The following OSBPL10 variants were observed in gnomAD, a reference collection of about 807,000 sequenced individuals.
The protein encoded by OSBPL10 is oxysterol binding protein like 10, also known as oxysterol-binding protein-related protein 10.
OSBPL10 carries 49 observed loss-of-function variants against 81.7 expected under a neutral mutation model. That is an observed-to-expected ratio of 0.60 (90% CI 0.48 to 0.76). The LOEUF (loss-of-function observed/expected upper bound fraction) is 0.76, where lower values mean the gene tolerates loss of function less well. Among genes scored for constraint, OSBPL10 ranks in the 30% least tolerant of loss-of-function variants. OSBPL10 has a pLI of 0.00. For synonymous variants in OSBPL10, 419 were observed against 383.6 expected (o/e 1.09, Z -1.08); for missense variants, 923 against 987.8 (o/e 0.93, Z 0.88).
intron 1 of OSBPL10, among the ~76,000 whole-genome samples, chr3:31,957,085 A>G (rs975063701): frequency 6.6e-6 from 1 of 152,182 alleles, no homozygotes; most frequent in Non-Finnish European, 1.5e-5. Flanking sequence ...CAGTGGGCCA[A>G]GACTGTGCCA....
chr3:31,829,231 C>CA (rs1168952200), intron 4 of OSBPL10, among the ~76,000 whole-genome samples: 1 of 152,092 alleles, frequency 6.6e-6, no homozygotes, highest in East Asian at 1.9e-4. Context: ...AGCTGCAGAG[C>CA]AAAAAACCTC....
chr3:31,843,219 AAG>A (rs1266933347), intron 3 of OSBPL10, among the ~76,000 whole-genome samples: 2 of 152,218 alleles, frequency 1.3e-5, no homozygotes, highest in African/African-American at 4.8e-5. Flanking sequence ...CTAGGCATGC[AAG>A]AGAGAGTTAA....
intron 2 of OSBPL10, among the ~76,000 whole-genome samples, chr3:31,996,259 G>GA (rs1332414066): frequency 6.6e-6 from 1 of 152,174 alleles, no homozygotes; most frequent in Non-Finnish European, 1.5e-5. Flanking sequence ...CCTGTAAAGA[G>GA]AAACTTCTGT....
At chr3:31,810,152 T>G (rs1243796066) in intron 4 of OSBPL10, among the ~76,000 whole-genome samples, 1 of 152,132 alleles carries the variant, frequency 6.6e-6, no homozygotes, top group African/African-American at 2.4e-5. Flanking sequence ...ATCACAGGCA[T>G]GAGCCACCGC....
chr3:31,839,034 A>C (rs1221210557), intron 3 of OSBPL10, among the ~76,000 whole-genome samples: 1 of 152,228 alleles, frequency 6.6e-6, no homozygotes, highest in Admixed American at 6.5e-5. Flanking sequence ...CTAACCAGCC[A>C]TGGTGTATTC....
At chr3:32,005,926 T>C (rs993086662) in intron 2 of OSBPL10, among the ~76,000 whole-genome samples, 2 of 151,790 alleles carry the variant, frequency 1.3e-5, no homozygotes, top group African/African-American at 4.8e-5. Flanking sequence ...TTTTACTTTA[T>C]TTATTTATTT....
chr3:31,808,618 G>A (rs1325487023), intron 4 of OSBPL10, among the ~76,000 whole-genome samples: 2 of 152,172 alleles, frequency 1.3e-5, no homozygotes, highest in African/African-American at 4.8e-5. Flanking sequence ...AAAAGCTACT[G>A]TATTCCAAAT....
chr3:32,055,158 T>C (rs1699698698), intron 1 of OSBPL10, among the ~76,000 whole-genome samples: 1 of 151,580 alleles, frequency 6.6e-6, no homozygotes, highest in East Asian at 1.9e-4. Context: ...GTTTTGTTTT[T>C]CAGAACCAAG....
At chr3:31,901,318 A>G (rs4478115) in intron 1 of OSBPL10, among the ~76,000 whole-genome samples, 32,017 of 152,126 alleles carry the variant, frequency 0.21, 3,522 homozygotes, top group Non-Finnish European at 0.25. Context: ...AAAATCCTTA[A>G]GTGTGCCTAC....
rs191641839 is a variant in OSBPL10, at chr3:31,977,283, C to T, written c.281+3616G>A. ...CATCCTCTCCACACCAGATCTATCC[C>T]TTCTCTCCAGTTCTCTGCCAACCCC... is the stretch of plus-strand genomic sequence containing the variant. On this transcript the variant is annotated intron_variant, in intron 1 of 11. Coordinates refer to ENST00000396556, the MANE Select transcript of OSBPL10 (RefSeq NM_017784.5). Among the ~76,000 whole-genome samples the T allele has an allele frequency of 3.8e-3, 571 of 152,262 alleles. 9 individuals are homozygous for T. Among genetic ancestry groups the T allele is most frequent in the East Asian group, 7.5e-3 (39 of 5,182 alleles).
chr3:31,758,894 T>C (rs1324641046), intron 4 of OSBPL10, among the ~76,000 whole-genome samples: 1 of 152,232 alleles, frequency 6.6e-6, no homozygotes, highest in Non-Finnish European at 1.5e-5. Context: ...GTTTCTGGCT[T>C]CTGGCCAGAG....
At chr3:31,687,383 T>C (rs1254339246) in intron 7 of OSBPL10, among the ~76,000 whole-genome samples, 2 of 152,170 alleles carry the variant, frequency 1.3e-5, no homozygotes, top group East Asian at 3.8e-4. Context: ...ATTTACTCTC[T>C]AGTGATGTAC....
At chr3:31,808,358 AT>A in intron 4 of OSBPL10, among the ~76,000 whole-genome samples, 1 of 152,354 alleles carries the variant, frequency 6.6e-6, no homozygotes, top group Non-Finnish European at 1.5e-5. Flanking sequence ...GTCAGGTGTC[AT>A]GTTGGGAGAC....
chr3:31,855,036 G>C (rs956397599), intron 3 of OSBPL10, among the ~76,000 whole-genome samples: 1 of 152,052 alleles, frequency 6.6e-6, no homozygotes, highest in African/African-American at 2.4e-5. Context: ...TTTTGTTTTT[G>C]TTTTGCCAGA....
At chr3:31,990,405 A>C in intron 2 of OSBPL10, 2 of 1,614,094 alleles carry the variant, frequency 1.2e-6, no homozygotes, top group South Asian at 2.2e-5. Context: ...CATATCTCGT[A>C]GTTCATTGGC....
intron 1 of OSBPL10, among the ~76,000 whole-genome samples, chr3:31,885,828 CAA>C (rs34871532): frequency 0.021 from 2,634 of 122,564 alleles, 85 homozygotes; most frequent in African/African-American, 0.074. Flanking sequence ...ACTAAAAATA[CAA>C]AAAAAAAAAA....
intron 1 of OSBPL10, 28 bp downstream of exon 1, chr3:31,980,871 G>A (rs1244667069): frequency 1.9e-6 from 3 of 1,542,328 alleles, no homozygotes; most frequent in East Asian, 2.6e-5. Flanking sequence ...ACAGCGGCGC[G>A]CGGTGGCGCG....
At chr3:31,763,118 G>T (rs1395811045) in intron 4 of OSBPL10, among the ~76,000 whole-genome samples, 1 of 152,176 alleles carries the variant, frequency 6.6e-6, no homozygotes, top group Non-Finnish European at 1.5e-5. Context: ...CAATTTATAA[G>T]CAAAGACGTA....
At position 31,760,044 on chromosome 3, in the gene OSBPL10, G is replaced by A. The variant is rs539862306; in HGVS notation, c.730-11924C>T. Among the ~76,000 whole-genome samples the A allele has an allele frequency of 7.9e-5, 12 of 152,312 alleles. No individual in the cohort carries two copies. The South Asian group carries it at 8.3e-4, about 11-fold the overall frequency. Reference sequence around the variant, plus strand: ...CGCAAAGTGCTGGGATTACAGGCGTGAGCCACCATGCCCGGCCAAGAGATG... The same window carrying A: ...CGCAAAGTGCTGGGATTACAGGCGTAAGCCACCATGCCCGGCCAAGAGATG... On this transcript the variant is annotated intron_variant, in intron 4 of 11. Coordinates refer to ENST00000396556, the MANE Select transcript of OSBPL10 (RefSeq NM_017784.5).
Sources: allele counts gnomAD v4.1 joint callset (sites outside exome capture counted in the v4.1 genomes callset), GRCh38; gene constraint gnomAD v4.1.1; transcripts MANE v1.5; gene names NCBI Gene and HGNC (gene_info 2026-07-23, HGNC 2026-07-21).